Variants in DGCR8 observed in about 807,000 individuals in gnomAD.
The protein encoded by DGCR8 is microprocessor complex subunit DGCR8.
In DGCR8, 14 loss-of-function variants were observed where a neutral mutation model predicts 78.5. That is an observed-to-expected ratio of 0.18 (90% CI 0.12 to 0.28). The LOEUF is 0.28. Ranked by LOEUF, DGCR8 falls within the 10% of genes least tolerant of loss-of-function variation. The probability of loss-of-function intolerance (pLI) is 1.00; values close to 1 mark genes in which losing one functional copy is unlikely to be tolerated. For missense variants in DGCR8, 702 were observed against 1,022.5 expected (o/e 0.69, Z 4.28); for synonymous variants, 399 against 402.4 (o/e 0.99, Z 0.10).
rs773358048 is a variant in DGCR8, at chr22:20,086,686, A to G, written c.720+3A>G. The G allele has an allele frequency of 6.2e-7, 1 of 1,600,936 alleles. No individual in the cohort carries two copies. The highest frequency in any genetic ancestry group is 8.5e-7 in the Non-Finnish European group (1 of 1,177,248). ...AGGCCTTGAATTTCCCCTACGAGGT[A>G]TGTTGGCAGCCCCTCCTCTAGAGGG... On this transcript the variant is annotated splice_donor_region_variant and intron_variant, in intron 2 of 13. Coordinates refer to ENST00000351989, the MANE Select transcript of DGCR8 (RefSeq NM_022720.7). This position sits in a 1 kb window ranked among gnomAD's most constrained non-coding sequence, Gnocchi z 6.4.
chr22:20,081,001 G>C (rs986901399), intron 1 of DGCR8, among the ~76,000 whole-genome samples: 1 of 152,160 alleles, frequency 6.6e-6, no homozygotes, highest in Non-Finnish European at 1.5e-5. Context: ...TCGACTGTTC[G>C]AGGCCAACCA....
intron 12 of DGCR8, 98 bp from the exon 13 acceptor site, chr22:20,108,792 C>T (rs1433910733): frequency 3.4e-5 from 23 of 683,552 alleles, no homozygotes; most frequent in Non-Finnish European, 4.0e-5. Context: ...ACCCTGGGCG[C>T]GCCTGCCTTC....
intron 1 of DGCR8, chr22:20,080,793 G>A (rs151273426): frequency 3.8e-4 from 58 of 152,426 alleles, no homozygotes; most frequent in African/African-American, 1.4e-3. Context: ...CACGGGTTGA[G>A]TGTCACGTAG....
chr22:20,087,007 T>A lies in DGCR8; in HGVS notation c.721-155T>A. Reference sequence around the variant, plus strand: ...TTGGTGTCAGCTGGTAGCTTCATCCTGTTTGTTTTTCAGATGATCATGCAC... The same window carrying A: ...TTGGTGTCAGCTGGTAGCTTCATCCAGTTTGTTTTTCAGATGATCATGCAC... On this transcript the variant is annotated intron_variant, in intron 2 of 13. Transcript: ENST00000351989. This position sits in a 1 kb window ranked among gnomAD's most constrained non-coding sequence, Gnocchi z 4.1. 9.9e-7 allele frequency: 1 copy of A among 1,009,362 alleles called. No individual in the cohort carries two copies. Among genetic ancestry groups the A allele is most frequent in the Non-Finnish European group, 1.4e-6 (1 of 691,672 alleles). The allele number at this position is 1,009,362 out of a possible 1,614,324, so 62.5% of individuals were successfully genotyped here. A position where few individuals can be genotyped will look rare whatever the true frequency, so the allele number is the denominator to read the frequency against.
chr22:20,101,698 T>G, intron 9 of DGCR8: 1 of 985,414 alleles, frequency 1.0e-6, no homozygotes. Flanking sequence ...GGTGGCCATC[T>G]CCTGTTCCTG....
intron 8 of DGCR8, 107 bp from the exon 9 acceptor site, chr22:20,094,606 A>G (rs961189918): frequency 9.9e-7 from 1 of 1,007,284 alleles, no homozygotes; most frequent in Non-Finnish European, 1.5e-6. Context: ...GCCCTCGCTC[A>G]GCCTCTGAGC....
rs1251584101 is a variant in DGCR8 at position 20,087,821 on chromosome 22, G to C, written c.880+500G>C. 6.6e-6 allele frequency among the ~76,000 whole-genome samples: 1 copy of C among 152,216 alleles called. No individual in the cohort carries two copies. The highest frequency in any genetic ancestry group is 1.5e-5 in the Non-Finnish European group (1 of 68,032). ...TGGTGTGTGCACTTCAGCTGGGCAGGGTGGAAGTGCCCTGGTCGACGTGGC... is the reference window on the plus strand; with the variant it reads ...TGGTGTGTGCACTTCAGCTGGGCAGCGTGGAAGTGCCCTGGTCGACGTGGC... On this transcript the variant is annotated intron_variant, in intron 3 of 13. Transcript: ENST00000351989. The surrounding 1 kb of genome is among the most constrained non-coding windows in gnomAD (Gnocchi z 4.1).
intron 9 of DGCR8, among the ~76,000 whole-genome samples, chr22:20,103,090 A>G (rs144836942): frequency 0.041 from 6,282 of 151,836 alleles, 178 homozygotes; most frequent in South Asian, 0.094. Flanking sequence ...GTGAGCCGAG[A>G]TTGTGCCATT....
chr22:20,107,250 G>A, intron 11 of DGCR8, 21 bp from the exon 12 acceptor site: 2 of 1,614,052 alleles, frequency 1.2e-6, no homozygotes, highest in South Asian at 2.2e-5. Context: ...CCCTCTCCAT[G>A]CTTGCTCTTT....
chr22:20,101,126 A>T, intron 9 of DGCR8: 1 of 917,666 alleles, frequency 1.1e-6, no homozygotes, highest in East Asian at 1.2e-4. Flanking sequence ...GAATCACAAA[A>T]GACAAACCTA....
At chr22:20,098,495 T>C (rs1221132606) in intron 9 of DGCR8, among the ~76,000 whole-genome samples, 1 of 152,224 alleles carries the variant, frequency 6.6e-6, no homozygotes, top group Non-Finnish European at 1.5e-5. Flanking sequence ...ATTTAAAATA[T>C]ATGGCAACTC....
intron 9 of DGCR8, chr22:20,101,169 C>A: frequency 1.0e-6 from 1 of 980,882 alleles, no homozygotes; most frequent in Non-Finnish European, 1.2e-6. Context: ...TTTAAGAACT[C>A]TGTTCTGGGA....
chr22:20,084,675 A>G (rs2049457614), intron 1 of DGCR8, among the ~76,000 whole-genome samples: 1 of 152,144 alleles, frequency 6.6e-6, no homozygotes, highest in Non-Finnish European at 1.5e-5. Flanking sequence ...TCCTGCCTGC[A>G]TGCTGGAATT....
chr22:20,110,304 G>A lies in DGCR8; in HGVS notation c.*196G>A, dbSNP rs181232565. On this transcript the variant is annotated 3_prime_UTR_variant, in exon 14 of 14. Coordinates refer to ENST00000351989, the MANE Select transcript of DGCR8 (RefSeq NM_022720.7). ...CCACACAGCACACATGTGGAGCAGCGGCTCTCCCTGGAAAGCTCCAGGCCT... is the reference window on the plus strand; with the variant it reads ...CCACACAGCACACATGTGGAGCAGCAGCTCTCCCTGGAAAGCTCCAGGCCT... 394 of 574,828 alleles carry A rather than the reference G, an allele frequency of 6.9e-4. No individual in the cohort carries two copies. Among genetic ancestry groups the A allele is most frequent in the African/African-American group, 6.8e-3 (363 of 53,076 alleles). 35.6% of individuals were successfully genotyped at this position (574,828 alleles called of 1,614,324 possible). A position where few individuals can be genotyped will look rare whatever the true frequency, so the allele number is the denominator to read the frequency against.
rs747395925 is a variant in DGCR8, at chr22:20,085,864, C to A, written c.-100C>A. ...GCCGCCAGCGCACAGCGCGGCAGGA[C>A]GCGCCCGGGTCTCAGCGGACTTGTG... is the stretch of plus-strand genomic sequence containing the variant. On this transcript the variant is annotated 5_prime_UTR_variant, in exon 2 of 14. Transcript: ENST00000351989. The surrounding 1 kb of genome is among the most constrained non-coding windows in gnomAD (Gnocchi z 6.2). 1 of 1,498,946 alleles carries A rather than the reference C, an allele frequency of 6.7e-7. No homozygotes were observed. The highest frequency in any genetic ancestry group is 8.8e-7 in the Non-Finnish European group (1 of 1,131,660). 92.9% of individuals were successfully genotyped at this position (1,498,946 alleles called of 1,614,324 possible). A position where few individuals can be genotyped will look rare whatever the true frequency, so the allele number is the denominator to read the frequency against.
chr22:20,093,624 T>G (rs911536964), intron 8 of DGCR8, among the ~76,000 whole-genome samples: 2 of 152,146 alleles, frequency 1.3e-5, no homozygotes, highest in Non-Finnish European at 2.9e-5. Context: ...CCCCCAGTGG[T>G]GCTGGCTCTT....
In DGCR8 at chr22:20,085,897, G is replaced by A; in HGVS notation, c.-67G>A. The A allele has an allele frequency of 2.0e-6, 3 of 1,507,376 alleles. No homozygotes were observed. Among genetic ancestry groups the A allele is most frequent in the Non-Finnish European group, 2.6e-6 (3 of 1,135,822 alleles). The allele number at this position is 1,507,376 out of a possible 1,614,324, so 93.4% of individuals were successfully genotyped here. A position where few individuals can be genotyped will look rare whatever the true frequency, so the allele number is the denominator to read the frequency against. On this transcript the variant is annotated 5_prime_UTR_variant, in exon 2 of 14. Coordinates refer to ENST00000351989, the MANE Select transcript of DGCR8 (RefSeq NM_022720.7). The surrounding 1 kb of genome is among the most constrained non-coding windows in gnomAD (Gnocchi z 6.2). The stretch of plus-strand genomic sequence containing the variant: ...GGTCTCAGCGGACTTGTGCATGTTA[G>A]CTGTGTAGATTTATGTGAGGGCTTG...
At chr22:20,104,835 T>C (rs2049750753) in intron 9 of DGCR8, among the ~76,000 whole-genome samples, 1 of 151,240 alleles carries the variant, frequency 6.6e-6, no homozygotes, top group Non-Finnish European at 1.5e-5. Flanking sequence ...CCTTGCTGCT[T>C]GCTGGAGCGG....
At chr22:20,102,169 A>C (rs2049710754) in intron 9 of DGCR8, 3 of 654,804 alleles carry the variant, frequency 4.6e-6, no homozygotes, top group Non-Finnish European at 5.7e-6. Flanking sequence ...ATACACAGTC[A>C]TGTAACCAAC....
Sources: allele counts gnomAD v4.1 joint callset (sites outside exome capture counted in the v4.1 genomes callset), GRCh38; gene constraint gnomAD v4.1.1; non-coding constraint Gnocchi (gnomAD v3.1); transcripts MANE v1.5; gene names NCBI Gene and HGNC (gene_info 2026-07-23, HGNC 2026-07-21).